S100A8: variants seen among roughly 807,000 people sequenced by gnomAD.
S100A8 encodes the protein protein S100-A8.
S100A8 carries 1 observed loss-of-function variant against 4.2 expected under a neutral mutation model. The ratio of observed to expected loss-of-function variants is 0.24; its 90% CI spans 0.08 to 1.12. The LOEUF (loss-of-function observed/expected upper bound fraction) is 1.12. Among genes scored for constraint, S100A8 ranks in the 50% most tolerant of loss-of-function variants. S100A8 has a pLI of 0.53. For missense variants in S100A8, 96 were observed against 111.8 expected (o/e 0.86, Z 0.64); for synonymous variants, 41 against 44.7 (o/e 0.92, Z 0.33).
chr1:153,418,051 C>T, the S100A8 span: 28 of 1,612,620 alleles, frequency 1.7e-5, no homozygotes, highest in African/African-American at 3.5e-4. Context: ...AAATGATTGT[C>T]TTTATTTCCT....
At chr1:153,411,905 G>A in the S100A8 span, among the ~76,000 whole-genome samples, 3 of 152,180 alleles carry the variant, frequency 2.0e-5, no homozygotes, top group Non-Finnish European at 2.9e-5. Flanking sequence ...TTAATAAATG[G>A]TGCTGGGAAA....
the S100A8 span, among the ~76,000 whole-genome samples, chr1:153,404,008 C>T: frequency 3.3e-5 from 5 of 152,298 alleles, no homozygotes; most frequent in South Asian, 1.0e-3. Context: ...CAAACCCCCT[C>T]CTCAGGTTAG....
At chr1:153,406,190 T>C in the S100A8 span, among the ~76,000 whole-genome samples, 154 of 152,196 alleles carry the variant, frequency 1.0e-3, 1 homozygote, top group African/African-American at 2.8e-3. Context: ...CTGAACCTTT[T>C]TGAAGACACC....
the S100A8 span, among the ~76,000 whole-genome samples, chr1:153,397,912 T>A: frequency 6.6e-6 from 1 of 152,188 alleles, no homozygotes; most frequent in Non-Finnish European, 1.5e-5. Flanking sequence ...GGCGGGGCTG[T>A]GACCCCCATG....
the S100A8 span, among the ~76,000 whole-genome samples, chr1:153,398,929 C>CA: frequency 6.6e-6 from 1 of 152,236 alleles, no homozygotes; most frequent in African/African-American, 2.4e-5. Context: ...TCCAGTCCTA[C>CA]ACCCGCCTTG....
the S100A8 span, among the ~76,000 whole-genome samples, chr1:153,398,911 C>A: frequency 6.6e-6 from 1 of 152,192 alleles, no homozygotes; most frequent in African/African-American, 2.4e-5. Context: ...CAAAGGCATG[C>A]TTTCAGTTCC....
chr1:153,399,363 T>C, the S100A8 span, among the ~76,000 whole-genome samples: 1 of 152,186 alleles, frequency 6.6e-6, no homozygotes, highest in East Asian at 1.9e-4. Flanking sequence ...CCACATCCCT[T>C]GGAGCAGGAT....
upstream of S100A8, among the ~76,000 whole-genome samples, chr1:153,391,971 G>T (rs1204897942): frequency 6.6e-6 from 1 of 152,142 alleles, no homozygotes; most frequent in Non-Finnish European, 1.5e-5. Flanking sequence ...CAATTCCCCA[G>T]GATTTCAGGA....
At chr1:153,401,654 C>T in the S100A8 span, among the ~76,000 whole-genome samples, 15 of 152,244 alleles carry the variant, frequency 9.9e-5, no homozygotes, top group East Asian at 2.1e-3. Context: ...GGAGGTTACC[C>T]GAAACTGGCC....
chr1:153,398,204 C>T, the S100A8 span, among the ~76,000 whole-genome samples: 1 of 152,142 alleles, frequency 6.6e-6, no homozygotes, highest in Non-Finnish European at 1.5e-5. Context: ...CACAGACACC[C>T]TTGCAGGCCC....
At chr1:153,413,365 G>A in the S100A8 span, among the ~76,000 whole-genome samples, 1 of 152,162 alleles carries the variant, frequency 6.6e-6, no homozygotes, top group Non-Finnish European at 1.5e-5. Context: ...CTGGAGATTA[G>A]TGTTTACTAG....
the S100A8 span, among the ~76,000 whole-genome samples, chr1:153,413,352 A>G: frequency 1.1e-4 from 16 of 152,196 alleles, no homozygotes; most frequent in Non-Finnish European, 2.1e-4. Context: ...TGGCCAACCA[A>G]TTCTGGAGAT....
chr1:153,401,654 C>G, the S100A8 span, among the ~76,000 whole-genome samples: 3 of 152,126 alleles, frequency 2.0e-5, no homozygotes, highest in Non-Finnish European at 2.9e-5. Flanking sequence ...GGAGGTTACC[C>G]GAAACTGGCC....
the S100A8 span, among the ~76,000 whole-genome samples, chr1:153,405,186 A>G: frequency 6.6e-6 from 1 of 151,636 alleles, no homozygotes; most frequent in Non-Finnish European, 1.5e-5. Context: ...TGCCAACTTG[A>G]AATTTGGTTG....
the S100A8 span, among the ~76,000 whole-genome samples, chr1:153,399,774 G>A: frequency 5.9e-5 from 9 of 152,176 alleles, no homozygotes; most frequent in Non-Finnish European, 1.2e-4. Flanking sequence ...TCCTTAGGGA[G>A]GCGATATTTC....
At position 153,390,544 on chromosome 1, in the gene S100A8, C is replaced by A. The variant is rs1177032162; in HGVS notation, c.-9G>T. On this transcript the variant is annotated 5_prime_UTR_variant, in exon 2 of 3. Transcript: ENST00000368733. ...TCCAGCTCGGTCAACATGATGCCCA[C>A]GGACTTGCCCCACCTGAAAAACAGA... The A allele has an allele frequency of 6.2e-7, 1 of 1,614,008 alleles. No individual in the cohort carries two copies. Among genetic ancestry groups the A allele is most frequent in the South Asian group, 1.1e-5 (1 of 91,074 alleles).
chr1:153,411,763 G>T, the S100A8 span, among the ~76,000 whole-genome samples: 1 of 152,164 alleles, frequency 6.6e-6, no homozygotes, highest in Non-Finnish European at 1.5e-5. Context: ...AAAACAGCAT[G>T]GTACTGGTAC....
the S100A8 span, among the ~76,000 whole-genome samples, chr1:153,397,540 G>T: frequency 6.6e-6 from 1 of 152,180 alleles, no homozygotes; most frequent in Non-Finnish European, 1.5e-5. Context: ...AAGAAAGTCA[G>T]GGGCCAGAGC....
the S100A8 span, among the ~76,000 whole-genome samples, chr1:153,399,459 G>A: frequency 1.1e-4 from 17 of 152,236 alleles, no homozygotes; most frequent in Admixed American, 5.2e-4. Flanking sequence ...CTTGGGTGGG[G>A]TCAGACACAC....
Sources: allele counts gnomAD v4.1 joint callset (sites outside exome capture counted in the v4.1 genomes callset), GRCh38; gene constraint gnomAD v4.1.1; transcripts MANE v1.5; gene names NCBI Gene and HGNC (gene_info 2026-07-23, HGNC 2026-07-21).